Variants in ARMCX4 observed in about 807,000 individuals in gnomAD.
ARMCX4 encodes the protein armadillo repeat-containing X-linked protein 4.
Under a neutral mutation model 34.7 loss-of-function variants are expected in ARMCX4, and 3 were observed. The observed-to-expected ratio is 0.09, with a 90% CI of 0.04 to 0.22. ARMCX4 has a LOEUF of 0.22. Ranked by LOEUF, ARMCX4 falls within the 10% of genes least tolerant of loss-of-function variation. The pLI is 1.00. For missense variants in ARMCX4, 1,448 were observed against 1,720.8 expected (o/e 0.84, Z 2.81); for synonymous variants, 513 against 632.8 (o/e 0.81, Z 2.84).
intron 2 of ARMCX4, among the ~76,000 whole-genome samples, chrX:101,433,407 CAT>C (rs1396016935): frequency 2.7e-5 from 3 of 109,358 alleles, no homozygotes; most frequent in Admixed American, 2.0e-4. Flanking sequence ...TACATATAAA[CAT>C]ATATACCTGT....
At chrX:101,521,429 T>C (rs1314452444) in intron 11 of ARMCX4, among the ~76,000 whole-genome samples, 1 of 111,074 alleles carries the variant, frequency 9.0e-6, no homozygotes, top group African/African-American at 3.3e-5. Context: ...TTTATCCTAG[T>C]AATTTGGGAT....
chrX:101,499,107 G>A (rs782244058), downstream of ARMCX4: 1 of 112,174 alleles, frequency 8.9e-6, no homozygotes, highest in East Asian at 2.8e-4. Context: ...TGCTGAGGGA[G>A]TAAGTATGGC....
At position 101,489,587 on chromosome X, in the gene ARMCX4, T is replaced by C. The variant is rs1556007999; in HGVS notation, c.998T>C (p.Ile333Thr). ...TTTGCCAAAACCCAGACTGAGGCCA[T>C]TCCTGGGGCAAAGATTGATGCCGGG... ...QIFAKTQTEA[I>T]PGAKIDAGGN... The change falls in exon 6 of 6, where the codon ATT becomes ACT. Residue 333 changes from isoleucine to threonine, a missense_variant. Transcript: ENST00000423738. 1 of 1,154,788 alleles carries C rather than the reference T, an allele frequency of 8.7e-7. No homozygotes were observed. Among genetic ancestry groups the C allele is most frequent in the African/African-American group, 1.8e-5 (1 of 56,287 alleles).
chrX:101,465,498 T>A, intron 4 of ARMCX4, among the ~76,000 whole-genome samples: 1 of 112,227 alleles, frequency 8.9e-6, no homozygotes, highest in East Asian at 2.8e-4. Context: ...TAATTCTAAA[T>A]TTGCATGCAT....
At chrX:101,519,326 C>T (rs1192018935) in intron 11 of ARMCX4, among the ~76,000 whole-genome samples, 1 of 111,099 alleles carries the variant, frequency 9.0e-6, no homozygotes, top group Non-Finnish European at 1.9e-5. Context: ...CTCCCCATTT[C>T]CCCCTACACC....
chrX:101,489,196 A>G lies in ARMCX4; in HGVS notation c.607A>G (p.Asn203Asp). Residue 203 changes from asparagine to aspartate, a missense_variant, in exon 6 of 6, where the codon AAC becomes GAC. By Grantham distance (23) the Asn-to-Asp change is conservative (BLOSUM62 1). Transcript: ENST00000423738. ...ATTGGCTGAAAAAGAGACAGAGATTAACAGAGTAATGGTTACACAGAGTGA... is the reference window on the plus strand; with the variant it reads ...ATTGGCTGAAAAAGAGACAGAGATTGACAGAGTAATGGTTACACAGAGTGA... ...HILAEKETEI[N>D]RVMVTQSETL... 8.7e-7 allele frequency: 1 copy of G among 1,155,899 alleles called. No homozygotes were observed. The highest frequency in any genetic ancestry group is 1.1e-6 in the Non-Finnish European group (1 of 872,883).
chrX:101,437,388 C>T (rs1235168855), intron 2 of ARMCX4, among the ~76,000 whole-genome samples: 4 of 111,733 alleles, frequency 3.6e-5, no homozygotes, highest in African/African-American at 1.3e-4. Flanking sequence ...GTGTATGTGT[C>T]GAGGAGTTTA....
chrX:101,489,235 CCCAGGGAAGTGG>C lies in ARMCX4; in HGVS notation c.650_661del (p.Arg217_Ala220del), dbSNP rs1298476419. ...TACACAGAGTGAGACCTTGGCAGTA[CCCAGGGAAGTGG>C]CCAAGATGGGGGCCACGAACAAGAC... On this transcript the variant is annotated inframe_deletion, in exon 6 of 6. Transcript: ENST00000423738. The C allele has an allele frequency of 8.7e-7, 1 of 1,152,204 alleles. No individual in the cohort carries two copies. The highest frequency in any genetic ancestry group is 1.8e-5 in the African/African-American group (1 of 55,600). 95.0% of individuals were successfully genotyped at this position (1,152,204 alleles called of 1,213,427 possible).
In ARMCX4 at chrX:101,492,036, G is replaced by T. The variant is rs1556009480; in HGVS notation, c.3447G>T (p.Gly1149=). 3.5e-6 allele frequency: 4 copies of T among 1,152,987 alleles called. No homozygotes were observed. The part of the protein sequence containing the change: ...GSWSGASDKA[G]IIRSWAVACD... Reference sequence around the variant, plus strand: ...GGAGTGGGGCTAGTGATAAGGCTGGGATTATTCGGTCTTGGGCTGTGGCTT... The same window carrying T: ...GGAGTGGGGCTAGTGATAAGGCTGGTATTATTCGGTCTTGGGCTGTGGCTT... The change falls in exon 6 of 6, where the codon GGG becomes GGT. Residue 1149 remains glycine, a synonymous_variant. Coordinates refer to ENST00000423738, the MANE Select transcript of ARMCX4 (RefSeq NM_001256155.3).
chrX:101,508,983 A>G (rs1277867446), intron 8 of ARMCX4, among the ~76,000 whole-genome samples: 1 of 111,577 alleles, frequency 9.0e-6, no homozygotes, highest in Admixed American at 9.5e-5. Context: ...GTTACATAGT[A>G]TATTAGGATT....
chrX:101,449,538 A>G (rs181398172), downstream of ARMCX4, among the ~76,000 whole-genome samples: 143 of 112,106 alleles, frequency 1.3e-3, no homozygotes, highest in Middle Eastern at 4.6e-3. Flanking sequence ...TTTCAGCTCC[A>G]GAATTTCTGC....
chrX:101,490,183 G>T lies in ARMCX4; in HGVS notation c.1594G>T (p.Ala532Ser). ...TACTAGAGGTAAGGCTAGGGGCAAA[G>T]CCAAAGCCAAGTGTAAGACAGGGCC... is the stretch of plus-strand genomic sequence containing the variant. ...PNTRGKARGK[A>S]KAKCKTGPGM... Residue 532 changes from alanine (A) to serine (S), a missense_variant, in exon 6 of 6, where the codon GCC becomes TCC. By Grantham distance (99) the Ala-to-Ser change is moderately conservative. Coordinates refer to ENST00000423738, the MANE Select transcript of ARMCX4 (RefSeq NM_001256155.3). 2.6e-6 allele frequency: 3 copies of T among 1,155,794 alleles called. No homozygotes were observed. In the South Asian group the frequency reaches 5.7e-5, roughly 22 times the overall value.
intron 2 of ARMCX4, among the ~76,000 whole-genome samples, chrX:101,433,789 TCTC>T (rs1603099518): frequency 9.0e-6 from 1 of 111,390 alleles, no homozygotes; most frequent in Non-Finnish European, 1.9e-5. Flanking sequence ...AAAAAATTAT[TCTC>T]CTGCAAAACC....
Position 101,489,263 on chromosome X carries a change from C to A in ARMCX4, c.674C>A (p.Thr225Lys). The A allele has an allele frequency of 8.7e-7, 1 of 1,155,411 alleles. No individual in the cohort carries two copies. The highest frequency in any genetic ancestry group is 1.1e-6 in the Non-Finnish European group (1 of 872,639). ...AGGGAAGTGGCCAAGATGGGGGCCA[C>A]GAACAAGACTGGAATTGTGGATGAA... The part of the protein sequence containing the change: ...VPREVAKMGA[T>K]NKTGIVDETK... The change falls in exon 6 of 6, where the codon ACG (threonine) becomes AAG (lysine). Residue 225 changes from threonine to lysine, a missense_variant. Physicochemically the swap from Thr to Lys is moderately conservative, Grantham distance 78. Transcript: ENST00000423738.
intron 1 of ARMCX4, chrX:101,418,465 T>TGGGAACCTCACCC (rs1420471043): frequency 8.9e-6 from 1 of 112,852 alleles, no homozygotes; most frequent in Non-Finnish European, 1.9e-5. Context: ...TGGAAAGGCC[T>TGGGAACCTCACCC]GGGAACCTCA....
chrX:101,461,393 C>T (rs906358429), intron 4 of ARMCX4, among the ~76,000 whole-genome samples: 6 of 112,074 alleles, frequency 5.4e-5, no homozygotes, highest in Non-Finnish European at 1.1e-4. Flanking sequence ...ACAGACTTTC[C>T]TTCCTTTTTA....
chrX:101,433,147 C>A (rs1470325407), intron 2 of ARMCX4, among the ~76,000 whole-genome samples: 1 of 98,492 alleles, frequency 1.0e-5, no homozygotes, highest in Admixed American at 1.1e-4. Flanking sequence ...TATATACTCA[C>A]ATATACACAT....
intron 7 of ARMCX4, among the ~76,000 whole-genome samples, chrX:101,503,997 C>G (rs1250926895): frequency 9.0e-6 from 1 of 111,567 alleles, no homozygotes; most frequent in East Asian, 2.8e-4. Flanking sequence ...TTTCAGCTTT[C>G]TACATATGGC....
intron 4 of ARMCX4, among the ~76,000 whole-genome samples, chrX:101,453,688 C>T (rs1484029720): frequency 9.0e-6 from 1 of 110,558 alleles, no homozygotes; most frequent in Non-Finnish European, 1.9e-5. Flanking sequence ...CTCCTCTACA[C>T]CAGAACTCTG....
Sources: allele counts gnomAD v4.1 joint callset (sites outside exome capture counted in the v4.1 genomes callset), GRCh38; gene constraint gnomAD v4.1.1; transcripts MANE v1.5; gene names NCBI Gene and HGNC (gene_info 2026-07-23, HGNC 2026-07-21).